CMSS1: variants seen among roughly 807,000 people sequenced by gnomAD.
CMSS1 encodes the protein cms1 ribosomal small subunit homolog.
In CMSS1, 33 loss-of-function variants were observed where a neutral mutation model predicts 43.5. The observed-to-expected ratio is 0.76, with a 90% CI of 0.57 to 1.01. The LOEUF is 1.01. CMSS1 is among the 50% of genes least tolerant of loss of function. The pLI is 0.00. For synonymous variants in CMSS1, 115 were observed against 117.2 expected (o/e 0.98, Z 0.12); for missense variants, 313 against 326.4 (o/e 0.96, Z 0.32).
intron 1 of CMSS1, among the ~76,000 whole-genome samples, chr3:99,896,976 A>G (rs973213841): frequency 6.6e-6 from 1 of 152,210 alleles, no homozygotes; most frequent in Admixed American, 6.5e-5. Context: ...ATTATGGCCA[A>G]TTGGAGAAAA....
At chr3:100,021,946 TGTGTGTGTGTGTGTGAGAGAGAGA>T (rs2064827384) in intron 1 of CMSS1, among the ~76,000 whole-genome samples, 2 of 129,406 alleles carry the variant, frequency 1.5e-5, no homozygotes, top group African/African-American at 2.8e-5. Flanking sequence ...TGTGTGTGTG[TGTGTGTGTGTGTGTGAGAGAGAGA>T]GAGAGAGAGA....
intron 1 of CMSS1, among the ~76,000 whole-genome samples, chr3:99,831,583 C>T (rs537975103): frequency 2.0e-5 from 3 of 152,208 alleles, no homozygotes; most frequent in African/African-American, 7.2e-5. Flanking sequence ...ACAGACTAAT[C>T]AAGTCTGCTA....
chr3:100,134,009 C>T (rs2066730790), intron 1 of CMSS1, among the ~76,000 whole-genome samples: 1 of 152,102 alleles, frequency 6.6e-6, no homozygotes, highest in Non-Finnish European at 1.5e-5. Context: ...CCAAAGGGTA[C>T]TCTTAACAGA....
chr3:99,954,910 G>A (rs1364816902), intron 1 of CMSS1, among the ~76,000 whole-genome samples: 3 of 152,124 alleles, frequency 2.0e-5, no homozygotes, highest in Non-Finnish European at 4.4e-5. Context: ...TAAGCACCAC[G>A]TCTGGCATAA....
intron 1 of CMSS1, among the ~76,000 whole-genome samples, chr3:100,077,334 T>G (rs2065865865): frequency 6.6e-6 from 1 of 152,228 alleles, no homozygotes; most frequent in Non-Finnish European, 1.5e-5. Context: ...GTCATTTCTT[T>G]CTCTTACAAT....
intron 1 of CMSS1, among the ~76,000 whole-genome samples, chr3:100,136,034 G>T (rs892810606): frequency 3.9e-5 from 6 of 152,266 alleles, no homozygotes; most frequent in Admixed American, 3.9e-4. Flanking sequence ...TATAGCTGTT[G>T]CCACTAAAAA....
intron 1 of CMSS1, among the ~76,000 whole-genome samples, chr3:99,859,492 T>G (rs1944135599): frequency 6.6e-6 from 1 of 152,244 alleles, no homozygotes; most frequent in African/African-American, 2.4e-5. Context: ...GCTAGTTTAA[T>G]ACATTACTTT....
At chr3:99,858,104 A>G (rs2107546845) in intron 1 of CMSS1, among the ~76,000 whole-genome samples, 1 of 152,292 alleles carries the variant, frequency 6.6e-6, no homozygotes, top group Middle Eastern at 3.4e-3. Flanking sequence ...AGGACCCTAA[A>G]GAGCTTTTGA....
At chr3:100,156,498 G>A (rs752954229) in intron 2 of CMSS1, among the ~76,000 whole-genome samples, 1 of 150,520 alleles carries the variant, frequency 6.6e-6, no homozygotes, top group African/African-American at 2.4e-5. Context: ...TAGTACAGAC[G>A]GGGTTTCACC....
intron 1 of CMSS1, among the ~76,000 whole-genome samples, chr3:100,096,506 C>T (rs765633981): frequency 2.6e-5 from 4 of 151,938 alleles, no homozygotes; most frequent in African/African-American, 7.3e-5. Context: ...AAATAAGCCA[C>T]GCACAAAAAG....
chr3:100,028,114 T>C (rs1244370149), intron 1 of CMSS1, among the ~76,000 whole-genome samples: 1 of 152,224 alleles, frequency 6.6e-6, no homozygotes, highest in East Asian at 1.9e-4. Context: ...AACTAACATT[T>C]ATTAAACACT....
At chr3:99,887,481 C>G (rs17397949) in intron 1 of CMSS1, among the ~76,000 whole-genome samples, 4 of 152,098 alleles carry the variant, frequency 2.6e-5, no homozygotes, top group Admixed American at 2.6e-4. Flanking sequence ...ACAGCCATGA[C>G]TGAGAGGTCA....
intron 1 of CMSS1, among the ~76,000 whole-genome samples, chr3:100,143,747 T>G (rs1324101695): frequency 6.6e-6 from 1 of 152,200 alleles, no homozygotes; most frequent in Non-Finnish European, 1.5e-5. Context: ...GAGCCTGCTG[T>G]TTGGTGCATA....
intron 1 of CMSS1, among the ~76,000 whole-genome samples, chr3:99,856,582 GTTAGAGT>G (rs1294259570): frequency 6.6e-6 from 1 of 152,216 alleles, no homozygotes; most frequent in Non-Finnish European, 1.5e-5. Context: ...ACAGCTTTCC[GTTAGAGT>G]TTCTACTATG....
intron 1 of CMSS1, among the ~76,000 whole-genome samples, chr3:99,896,534 A>G (rs938055886): frequency 7.2e-5 from 11 of 152,178 alleles, no homozygotes; most frequent in African/African-American, 2.7e-4. Context: ...CCCAAAAGAG[A>G]ACGTAGTCAG....
At chr3:99,871,422 G>A (rs1944780973) in intron 1 of CMSS1, among the ~76,000 whole-genome samples, 1 of 152,116 alleles carries the variant, frequency 6.6e-6, no homozygotes, top group Admixed American at 6.5e-5. Flanking sequence ...TACTTTCCTA[G>A]GCACTGGAGG....
At chr3:99,852,973 T>C (rs899637876) in intron 1 of CMSS1, among the ~76,000 whole-genome samples, 2 of 152,222 alleles carry the variant, frequency 1.3e-5, no homozygotes, top group Non-Finnish European at 2.9e-5. Flanking sequence ...CTGTGGCTTA[T>C]AAAATTCAGA....
intron 1 of CMSS1, among the ~76,000 whole-genome samples, chr3:99,978,453 A>T (rs1002103597): frequency 1.3e-5 from 2 of 152,260 alleles, no homozygotes; most frequent in Non-Finnish European, 2.9e-5. Context: ...CTAGTCAGCC[A>T]TAAAAAAAGA....
chr3:99,959,475 A>G (rs1708431253), intron 1 of CMSS1, among the ~76,000 whole-genome samples: 1 of 152,048 alleles, frequency 6.6e-6, no homozygotes, highest in African/African-American at 2.4e-5. Context: ...TAAATATTTT[A>G]TTTTCTATAT....
Sources: allele counts gnomAD v4.1 joint callset (sites outside exome capture counted in the v4.1 genomes callset), GRCh38; gene constraint gnomAD v4.1.1; transcripts MANE v1.5; gene names NCBI Gene and HGNC (gene_info 2026-07-23, HGNC 2026-07-21).